MSR1: variants seen among roughly 807,000 people sequenced by gnomAD.
MSR1 encodes the protein macrophage scavenger receptor 1.
In MSR1, 53 loss-of-function variants were observed where a neutral mutation model predicts 47.2. The ratio of observed to expected loss-of-function variants is 1.12; its 90% confidence interval spans 0.90 to 1.41. MSR1 has a LOEUF of 1.41. MSR1 is among the 40% of genes most tolerant of loss of function. The probability of loss-of-function intolerance (pLI) is 0.00; values close to 1 mark genes in which losing one functional copy is unlikely to be tolerated. For synonymous variants in MSR1, 239 were observed against 185.6 expected, an observed-to-expected ratio of 1.29 and a Z score of -2.34; for missense variants, 786 against 546.9, an observed-to-expected ratio of 1.44 and a Z score of -4.36.
At chr8:16,186,849 A>G (rs1217469136) in intron 1 of MSR1, among the ~76,000 whole-genome samples, 1 of 151,826 alleles carries the variant, frequency 6.6e-6, no homozygotes, top group Non-Finnish European at 1.5e-5. Context: ...CTTTAGCCTC[A>G]AGCAATCTAC....
intron 3 of MSR1, among the ~76,000 whole-genome samples, chr8:16,174,094 G>A (rs1024628224): frequency 6.6e-6 from 1 of 152,096 alleles, no homozygotes; most frequent in African/African-American, 2.4e-5. Flanking sequence ...TTTCTTATGT[G>A]GATAATGAGA....
chr8:16,177,895 G>C lies in MSR1; in HGVS notation c.94C>G (p.Leu32Val), dbSNP rs758834622. Residue 32 changes from leucine to valine, a missense_variant, in exon 2 of 10, where the codon CTT becomes GTT. Coordinates refer to ENST00000262101, the MANE Select transcript of MSR1 (RefSeq NM_138715.3). ...ATCCCCCTCTACTTACTCGGAGGAA[G>C]CAAAGCTGTCATTGAGCGAGCATCA... ...KFDARSMTAL[L>V]PPNPKNSPSL... is the part of the protein sequence containing the mutation. The C allele has an allele frequency of 2.3e-5, 37 of 1,613,608 alleles. 1 individual carries two copies. The Middle Eastern group carries it at 2.3e-3, about 100-fold the overall frequency.
At position 16,168,407 on chromosome 8, in the gene MSR1, C is replaced by T. The variant is rs749437465; in HGVS notation, c.630+51G>A. On this transcript the variant is annotated intron_variant, in intron 4 of 9. Coordinates refer to ENST00000262101, the MANE Select transcript of MSR1 (RefSeq NM_138715.3). The stretch of plus-strand genomic sequence containing the variant: ...TCCTGTACTGCCTAAGGAGACGAGA[C>T]TTGGATGGATTCAGTTCCAGCAAGT... The T allele has an allele frequency of 3.7e-6, 6 of 1,602,668 alleles. No individual in the cohort carries two copies. The African/African-American group carries it at 5.4e-5, about 14-fold the overall frequency.
chr8:16,114,963 C>T (rs1026809550), intron 9 of MSR1, among the ~76,000 whole-genome samples: 9 of 151,344 alleles, frequency 5.9e-5, no homozygotes, highest in African/African-American at 9.7e-5. Flanking sequence ...GGATCTCGTG[C>T]GGTCAGGAGT....
At chr8:16,143,999 T>C (rs916060402) in intron 7 of MSR1, among the ~76,000 whole-genome samples, 5 of 152,052 alleles carry the variant, frequency 3.3e-5, no homozygotes, top group African/African-American at 1.2e-4. Context: ...CACATTACAT[T>C]TATGGTTTTC....
chr8:16,186,230 C>T (rs1801995166), intron 1 of MSR1: 1 of 1,531,962 alleles, frequency 6.5e-7, no homozygotes, highest in Non-Finnish European at 8.7e-7. Flanking sequence ...TTATTTATTT[C>T]TGGGTATTCC....
intron 1 of MSR1, among the ~76,000 whole-genome samples, chr8:16,189,275 A>AT (rs1491204182): frequency 8.1e-4 from 110 of 136,544 alleles, no homozygotes; most frequent in African/African-American, 2.8e-3. Flanking sequence ...TTTATATTTC[A>AT]AATATATAAA....
intron 1 of MSR1, among the ~76,000 whole-genome samples, chr8:16,185,726 C>T (rs541763536): frequency 8.6e-5 from 13 of 150,320 alleles, no homozygotes; most frequent in African/African-American, 3.2e-4. Flanking sequence ...ATGGTGCAGA[C>T]AATTAAGAGG....
At chr8:16,140,308 T>G in intron 8 of MSR1, 1 of 985,132 alleles carries the variant, frequency 1.0e-6, no homozygotes, top group Non-Finnish European at 1.2e-6. Context: ...AAAAAGCCCT[T>G]GACTCAGTCT....
At chr8:16,143,230 A>AT (rs1196699388) in intron 8 of MSR1, among the ~76,000 whole-genome samples, 1 of 152,126 alleles carries the variant, frequency 6.6e-6, no homozygotes. Flanking sequence ...GGAGGTTGTA[A>AT]TTGTTTCTAT....
chr8:16,186,865 T>A (rs1802015541), intron 1 of MSR1, among the ~76,000 whole-genome samples: 1 of 152,038 alleles, frequency 6.6e-6, no homozygotes, highest in Non-Finnish European at 1.5e-5. Context: ...TCTACCCACC[T>A]CAGCCTCCCA....
chr8:16,183,094 T>C (rs560984721), intron 1 of MSR1, among the ~76,000 whole-genome samples: 1 of 152,268 alleles, frequency 6.6e-6, no homozygotes, highest in East Asian at 1.9e-4. Flanking sequence ...CATATGGTCC[T>C]GTGTTGACTG....
intron 3 of MSR1, among the ~76,000 whole-genome samples, chr8:16,171,213 A>T (rs542400997): frequency 8.3e-6 from 1 of 120,964 alleles, no homozygotes; most frequent in East Asian, 2.5e-4. Flanking sequence ...TGGCTGACAG[A>T]GCAAGACTCA....
At chr8:16,128,342 G>C (rs1345680112) in intron 8 of MSR1, among the ~76,000 whole-genome samples, 1 of 151,950 alleles carries the variant, frequency 6.6e-6, no homozygotes, top group Non-Finnish European at 1.5e-5. Flanking sequence ...GGTTCAATTA[G>C]GTCATAAGGG....
At chr8:16,156,988 G>C (rs1380505730) in intron 5 of MSR1, among the ~76,000 whole-genome samples, 1 of 151,992 alleles carries the variant, frequency 6.6e-6, no homozygotes, top group South Asian at 2.1e-4. Flanking sequence ...CCAGGGGAGG[G>C]GGGCAAGCAG....
chr8:16,121,131 C>A (rs1007407866), intron 8 of MSR1: 1 of 433,274 alleles, frequency 2.3e-6, no homozygotes, highest in Non-Finnish European at 4.6e-6. Context: ...ATAGTGACAA[C>A]CTTCATTTAG....
chr8:16,151,107 T>A (rs1009539726), intron 6 of MSR1, among the ~76,000 whole-genome samples: 1 of 152,070 alleles, frequency 6.6e-6, no homozygotes, highest in Non-Finnish European at 1.5e-5. Context: ...AGTTTAGGCA[T>A]CTTATTTTGT....
chr8:16,110,336 A>T (rs1235040665), intron 9 of MSR1, 118 bp from the exon 10 acceptor site: 4 of 1,169,922 alleles, frequency 3.4e-6, no homozygotes, highest in African/African-American at 3.0e-5. Flanking sequence ...TATTTTCTGT[A>T]TGCAAGTTCT....
At chr8:16,162,449 G>A (rs1332754834) in intron 5 of MSR1, among the ~76,000 whole-genome samples, 2 of 152,000 alleles carry the variant, frequency 1.3e-5, no homozygotes, top group Non-Finnish European at 2.9e-5. Flanking sequence ...CTTTTAGAAC[G>A]GAGAACAATT....
Sources: allele counts gnomAD v4.1 joint callset (sites outside exome capture counted in the v4.1 genomes callset), GRCh38; gene constraint gnomAD v4.1.1; transcripts MANE v1.5; gene names NCBI Gene and HGNC (gene_info 2026-07-23, HGNC 2026-07-21).